FBXW10B: variants seen among roughly 807,000 people sequenced by gnomAD.
The protein encoded by FBXW10B is F-box and WD repeat domain containing 10B.
chr17:15,603,175 C>T, the FBXW10B span, among the ~76,000 whole-genome samples: 16 of 151,554 alleles, frequency 1.1e-4, no homozygotes, highest in East Asian at 3.9e-4. Context: ...TGAGCCACCG[C>T]GCCTGGCCCA....
the FBXW10B span, among the ~76,000 whole-genome samples, chr17:15,591,939 A>G: frequency 6.6e-6 from 1 of 152,096 alleles, no homozygotes; most frequent in Non-Finnish European, 1.5e-5. Flanking sequence ...TTAATGCTCC[A>G]TAGACAAAAG....
the FBXW10B span, among the ~76,000 whole-genome samples, chr17:15,611,644 GCT>G: frequency 6.6e-6 from 1 of 152,152 alleles, no homozygotes; most frequent in African/African-American, 2.4e-5. Flanking sequence ...CTCTCTGGAT[GCT>G]TCTGTTTCTC....
At chr17:15,606,988 G>T in the FBXW10B span, among the ~76,000 whole-genome samples, 1 of 152,152 alleles carries the variant, frequency 6.6e-6, no homozygotes, top group African/African-American at 2.4e-5. Flanking sequence ...TTCGTCTCTC[G>T]GCATATTGAA....
chr17:15,566,852 C>T, the FBXW10B span, among the ~76,000 whole-genome samples: 2 of 151,656 alleles, frequency 1.3e-5, no homozygotes, highest in Non-Finnish European at 2.9e-5. Context: ...GCGTGAGCCA[C>T]CACAGCCGGC....
the FBXW10B span, among the ~76,000 whole-genome samples, chr17:15,616,236 T>A: frequency 1.6e-3 from 246 of 152,098 alleles, no homozygotes; most frequent in Non-Finnish European, 2.8e-3. Context: ...GTGCAATGGC[T>A]CGGTCTTGGC....
chr17:15,580,614 C>T, the FBXW10B span, among the ~76,000 whole-genome samples: 1 of 123,780 alleles, frequency 8.1e-6, no homozygotes, highest in Non-Finnish European at 1.8e-5. Flanking sequence ...TTTATCAGCC[C>T]CTCCCTCCAG....
At chr17:15,593,418 A>C in the FBXW10B span, 7 of 1,614,036 alleles carry the variant, frequency 4.3e-6, no homozygotes, top group Non-Finnish European at 5.9e-6. Context: ...CCCATTGAAG[A>C]AATTGTAAAT....
chr17:15,606,364 A>G, the FBXW10B span, among the ~76,000 whole-genome samples: 1 of 145,860 alleles, frequency 6.9e-6, no homozygotes, highest in Non-Finnish European at 1.5e-5. Context: ...CGTCTCTACA[A>G]AAAAATTCAG....
At chr17:15,591,579 C>A in the FBXW10B span, among the ~76,000 whole-genome samples, 3 of 152,212 alleles carry the variant, frequency 2.0e-5, no homozygotes, top group African/African-American at 7.2e-5. Context: ...CGAGCCACTG[C>A]GCCTGGCCTC....
chr17:15,613,337 G>C, the FBXW10B span, among the ~76,000 whole-genome samples: 2 of 145,206 alleles, frequency 1.4e-5, no homozygotes, highest in Admixed American at 6.8e-5. Flanking sequence ...CTGGGGGCTG[G>C]GGGTTCTCTG....
the FBXW10B span, chr17:15,566,283 T>G: frequency 6.3e-7 from 1 of 1,593,894 alleles, no homozygotes; most frequent in Non-Finnish European, 8.5e-7. Flanking sequence ...TCCAAGACTT[T>G]TTCTTTGGGT....
chr17:15,612,827 G>GAAAAAAAAAAAAA, the FBXW10B span: 1 of 1,593,994 alleles, frequency 6.3e-7, no homozygotes, highest in East Asian at 2.3e-5. Flanking sequence ...AGGACCCCTG[G>GAAAAAAAAAAAAA]AAAAACAAAA....
chr17:15,570,257 G>A, the FBXW10B span, among the ~76,000 whole-genome samples: 1 of 152,204 alleles, frequency 6.6e-6, no homozygotes, highest in Non-Finnish European at 1.5e-5. Flanking sequence ...GGACAGGAGT[G>A]GAGAATGAGC....
the FBXW10B span, chr17:15,619,194 T>G: frequency 5.0e-6 from 8 of 1,613,890 alleles, no homozygotes; most frequent in Non-Finnish European, 6.8e-6. Context: ...AACATTTGGT[T>G]CAAGGAGGAC....
chr17:15,565,551 T>C, the FBXW10B span: 2 of 1,613,528 alleles, frequency 1.2e-6, no homozygotes, highest in Admixed American at 3.3e-5. Flanking sequence ...ATACATTTTG[T>C]CCAAGTTCAG....
chr17:15,593,576 G>A, the FBXW10B span: 1 of 1,567,818 alleles, frequency 6.4e-7, no homozygotes, highest in Non-Finnish European at 8.7e-7. Context: ...AGCATTTTGT[G>A]TGTGATTGAG....
chr17:15,602,747 C>A, the FBXW10B span, among the ~76,000 whole-genome samples: 1 of 118,628 alleles, frequency 8.4e-6, no homozygotes, highest in Non-Finnish European at 1.6e-5. Flanking sequence ...CCTGCCTCAG[C>A]CTCCCGAGTA....
the FBXW10B span, among the ~76,000 whole-genome samples, chr17:15,616,648 C>CA: frequency 1.1e-4 from 17 of 150,898 alleles, no homozygotes; most frequent in East Asian, 5.9e-4. Context: ...ATTAGAAATA[C>CA]AAAAAAAATT....
the FBXW10B span, among the ~76,000 whole-genome samples, chr17:15,604,428 A>C: frequency 6.6e-6 from 1 of 152,238 alleles, no homozygotes; most frequent in Non-Finnish European, 1.5e-5. Flanking sequence ...AGAAGCAAGA[A>C]GAGAAGGGCA....
Sources: gnomAD v4.1 joint callset for allele counts (sites outside exome capture counted in the v4.1 genomes callset) on GRCh38, gnomAD v4.1.1 for gene constraint, MANE v1.5 for transcripts, NCBI Gene and HGNC (gene_info 2026-07-23, HGNC 2026-07-21) for gene names.